Variants in TASP1 observed in about 807,000 individuals in gnomAD.
TASP1 encodes taspase 1.
In TASP1, 16 loss-of-function variants were observed where a neutral mutation model predicts 56.6. That is an observed-to-expected ratio of 0.28 (90% CI 0.19 to 0.43). TASP1 has a LOEUF of 0.43. Among genes scored for constraint, TASP1 ranks in the 20% least tolerant of loss-of-function variants. The probability of loss-of-function intolerance (pLI) is 1.00; values close to 1 mark genes in which losing one functional copy is unlikely to be tolerated. For synonymous variants in TASP1, 179 were observed against 184.2 expected (o/e 0.97, Z 0.23); for missense variants, 393 against 511.6 (o/e 0.77, Z 2.24).
intron 10 of TASP1, among the ~76,000 whole-genome samples, chr20:13,503,971 G>A (rs750814562): frequency 6.6e-6 from 1 of 150,466 alleles, no homozygotes; most frequent in African/African-American, 2.5e-5. Context: ...CAGGATTTAT[G>A]GAGTACCATC....
the TASP1 span, among the ~76,000 whole-genome samples, chr20:13,190,345 T>C: frequency 2.0e-5 from 3 of 152,110 alleles, no homozygotes; most frequent in East Asian, 5.8e-4. Flanking sequence ...TGTAAAGCTA[T>C]AGTAACCAAA....
intron 4 of TASP1, among the ~76,000 whole-genome samples, chr20:13,606,806 CAAAAAAAAA>C (rs71334137): frequency 1.3e-5 from 1 of 75,234 alleles, no homozygotes; most frequent in South Asian, 3.9e-4. Flanking sequence ...GACTCCGTCT[CAAAAAAAAA>C]AAAAAAAAAA....
chr20:13,537,051 T>C (rs922278489), intron 8 of TASP1, among the ~76,000 whole-genome samples: 17 of 152,230 alleles, frequency 1.1e-4, no homozygotes, highest in African/African-American at 4.1e-4. Context: ...CCATGCATTC[T>C]GTAAAACAGA....
At chr20:13,376,905 G>A in the TASP1 span, among the ~76,000 whole-genome samples, 3 of 152,302 alleles carry the variant, frequency 2.0e-5, no homozygotes, top group South Asian at 6.2e-4. Flanking sequence ...GAATGCTTGT[G>A]ATTTTTGCAC....
chr20:13,518,010 A>T lies in TASP1; in HGVS notation c.874+10423T>A, dbSNP rs118136782. The stretch of plus-strand genomic sequence containing the variant: ...GTCCAAAGAGTTAAGTGCTTTTAAG[A>T]TGACAATGTTTACAAACATTAGGGT... On this transcript the variant is annotated intron_variant, in intron 10 of 13. Transcript: ENST00000337743. 8.4e-3 allele frequency among the ~76,000 whole-genome samples: 1,276 copies of T among 152,216 alleles called. 9 individuals carry two copies. The highest frequency in any genetic ancestry group is 0.014 in the Non-Finnish European group (937 of 67,992).
intron 10 of TASP1, among the ~76,000 whole-genome samples, chr20:13,501,251 CAG>C (rs769979722): frequency 9.9e-5 from 15 of 151,796 alleles, no homozygotes; most frequent in Non-Finnish European, 2.1e-4. Context: ...AAAACAATAC[CAG>C]AGAGAACCCT....
At chr20:13,495,474 G>T (rs1157371754) in intron 10 of TASP1, among the ~76,000 whole-genome samples, 1 of 152,066 alleles carries the variant, frequency 6.6e-6, no homozygotes, top group Non-Finnish European at 1.5e-5. Context: ...GAAGGAGGAA[G>T]GAGAAAATAG....
chr20:13,384,311 C>A, the TASP1 span, among the ~76,000 whole-genome samples: 10 of 152,342 alleles, frequency 6.6e-5, no homozygotes, highest in Admixed American at 5.9e-4. Flanking sequence ...GCTTCAGTAA[C>A]TGCACCATGT....
At chr20:13,444,001 C>T (rs1420388488) in intron 11 of TASP1, among the ~76,000 whole-genome samples, 2 of 152,180 alleles carry the variant, frequency 1.3e-5, no homozygotes, top group African/African-American at 4.8e-5. Context: ...AATCAGAGTT[C>T]CAGATTTGGT....
At chr20:13,219,524 A>C in the TASP1 span, among the ~76,000 whole-genome samples, 1 of 151,834 alleles carries the variant, frequency 6.6e-6, no homozygotes, top group Non-Finnish European at 1.5e-5. Flanking sequence ...GATGTCTGAC[A>C]GGCCCGGCTG....
chr20:13,214,248 T>G, the TASP1 span, among the ~76,000 whole-genome samples: 1 of 152,222 alleles, frequency 6.6e-6, no homozygotes, highest in African/African-American at 2.4e-5. Context: ...AGCAGGTTTC[T>G]CTGTGTGATG....
chr20:13,445,231 G>T (rs3747931), intron 11 of TASP1, among the ~76,000 whole-genome samples: 53,800 of 151,924 alleles, frequency 0.35, 10,303 homozygotes, highest in Non-Finnish European at 0.43. Context: ...ACCAAACTGA[G>T]AATTCAATTA....
At chr20:13,432,278 C>T (rs1018941183) in intron 12 of TASP1, among the ~76,000 whole-genome samples, 6 of 152,148 alleles carry the variant, frequency 3.9e-5, no homozygotes, top group Admixed American at 2.0e-4. Context: ...AACTTTTTCA[C>T]AGCAAGGGGT....
the TASP1 span, among the ~76,000 whole-genome samples, chr20:13,227,027 A>G: frequency 6.6e-6 from 1 of 152,106 alleles, no homozygotes; most frequent in Non-Finnish European, 1.5e-5. Flanking sequence ...CTTTTAGGTG[A>G]CTGTATTTTT....
At chr20:13,475,428 G>A (rs905520253) in intron 11 of TASP1, among the ~76,000 whole-genome samples, 4 of 152,046 alleles carry the variant, frequency 2.6e-5, no homozygotes, top group Admixed American at 2.6e-4. Flanking sequence ...ATGTCATCTG[G>A]TACATACATA....
At chr20:13,207,241 T>C in the TASP1 span, among the ~76,000 whole-genome samples, 6 of 152,248 alleles carry the variant, frequency 3.9e-5, no homozygotes, top group East Asian at 9.6e-4. Flanking sequence ...TCTCTCATTT[T>C]TCTTAGAACA....
the TASP1 span, among the ~76,000 whole-genome samples, chr20:13,371,572 A>G: frequency 6.6e-6 from 1 of 152,194 alleles, no homozygotes; most frequent in Non-Finnish European, 1.5e-5. Context: ...AGCCTGACAT[A>G]CAGTCTATTC....
At chr20:13,189,691 T>C in the TASP1 span, among the ~76,000 whole-genome samples, 1 of 152,196 alleles carries the variant, frequency 6.6e-6, no homozygotes, top group African/African-American at 2.4e-5. Context: ...GGAATGCTTA[T>C]ACACTGTCAA....
chr20:13,249,432 G>T, the TASP1 span, among the ~76,000 whole-genome samples: 2 of 152,240 alleles, frequency 1.3e-5, no homozygotes, highest in Admixed American at 1.3e-4. Flanking sequence ...GGACAGACAT[G>T]GCAGGACCAC....
Sources: allele counts gnomAD v4.1 joint callset (sites outside exome capture counted in the v4.1 genomes callset), GRCh38; gene constraint gnomAD v4.1.1; transcripts MANE v1.5; gene names NCBI Gene and HGNC (gene_info 2026-07-23, HGNC 2026-07-21).